The following AREG variants were observed in gnomAD, a reference collection of about 807,000 sequenced individuals.
AREG encodes the protein amphiregulin.
A neutral mutation model predicts 28.0 loss-of-function variants in AREG; 16 were observed. The ratio of observed to expected loss-of-function variants is 0.57; its 90% confidence interval spans 0.39 to 0.87. The LOEUF is 0.87. AREG is among the 40% of genes least tolerant of loss of function. The probability of loss-of-function intolerance (pLI) is 0.00; values close to 1 mark genes in which losing one functional copy is unlikely to be tolerated. For synonymous variants in AREG, 113 were observed against 113.5 expected (o/e 1.00, Z 0.02); for missense variants, 287 against 309.1 (o/e 0.93, Z 0.53).
At chr4:74,445,845 C>T (rs1719273219) in intron 1 of AREG, among the ~76,000 whole-genome samples, 1 of 152,220 alleles carries the variant, frequency 6.6e-6, no homozygotes, top group Admixed American at 6.5e-5. Context: ...GTTAAAAGCA[C>T]CACTCTGATG....
At chr4:74,449,566 G>A in intron 3 of AREG, among the ~76,000 whole-genome samples, 1 of 152,092 alleles carries the variant, frequency 6.6e-6, no homozygotes, top group East Asian at 1.9e-4. Context: ...GGCAACATGG[G>A]GTGAAACCCC....
chr4:74,452,036 TACA>T (rs1478713851), intron 4 of AREG, among the ~76,000 whole-genome samples: 1 of 152,184 alleles, frequency 6.6e-6, no homozygotes, highest in Non-Finnish European at 1.5e-5. Context: ...GGGGTTTTTA[TACA>T]ACAACAAGAA....
chr4:74,454,719 G>A, intron 5 of AREG, 40 bp from the exon 6 acceptor site: 1 of 658,970 alleles, frequency 1.5e-6, no homozygotes. Flanking sequence ...GTAACATTTT[G>A]TTTTATTTTA....
chr4:74,453,587 T>C (rs1719414003), intron 5 of AREG, among the ~76,000 whole-genome samples: 1 of 152,134 alleles, frequency 6.6e-6, no homozygotes, highest in Admixed American at 6.5e-5. Flanking sequence ...TTTCAGTTAT[T>C]GATTGTCTAA....
chr4:74,445,632 G>T (rs1449075174), intron 1 of AREG, among the ~76,000 whole-genome samples: 1 of 152,200 alleles, frequency 6.6e-6, no homozygotes, highest in Non-Finnish European at 1.5e-5. Flanking sequence ...CTTTAGTTCA[G>T]CTGAGAAGAC....
chr4:74,447,711 C>T (rs1719316168), intron 2 of AREG, among the ~76,000 whole-genome samples: 3 of 152,164 alleles, frequency 2.0e-5, no homozygotes, highest in African/African-American at 7.2e-5. Flanking sequence ...TCCCTGGCTT[C>T]TCCCCCTCTT....
intron 5 of AREG, among the ~76,000 whole-genome samples, chr4:74,453,798 A>G (rs1050352715): frequency 3.3e-5 from 5 of 152,018 alleles, no homozygotes; most frequent in East Asian, 3.9e-4. Context: ...GTGAATGTCT[A>G]TAGTCCCAGC....
Position 74,454,132 on chromosome 4 carries a change from AATT to A in AREG, c.*19-623_*19-621del, listed in dbSNP as rs1280868529. Among the ~76,000 whole-genome samples the A allele has an allele frequency of 4.2e-3, 638 of 152,298 alleles. 4 individuals carry two copies. Among genetic ancestry groups the A allele is most frequent in the Middle Eastern group, 0.014 (4 of 294 alleles). ...TAGCTCAATAATTCATAAAATGGGTAATTATTCATACCAATGCTAAACTCAGTA... is the reference window on the plus strand; with the variant it reads ...TAGCTCAATAATTCATAAAATGGGTAATTCATACCAATGCTAAACTCAGTA... On this transcript the variant is annotated intron_variant, in intron 5 of 5. Coordinates refer to ENST00000395748, the MANE Select transcript of AREG (RefSeq NM_001657.4).
At chr4:74,446,922 A>G in intron 2 of AREG, 140 bp downstream of exon 2, 2 of 1,552,354 alleles carry the variant, frequency 1.3e-6, no homozygotes, top group Non-Finnish European at 1.8e-6. Context: ...GTAAACTGTG[A>G]CAAAAAGAAC....
At position 74,446,782 on chromosome 4, in the gene AREG, G is replaced by A. The variant is rs750816758; in HGVS notation, c.310G>A (p.Val104Ile). 3.1e-6 allele frequency: 5 copies of A among 1,613,812 alleles called. No individual in the cohort carries two copies. The highest frequency in any genetic ancestry group is 3.3e-5 in the Admixed American group (2 of 59,984). The change falls in exon 2 of 6, where the codon GTT becomes ATT. Residue 104 changes from valine to isoleucine, a missense_variant and splice_region_variant. Transcript: ENST00000395748. ...PGYIVDDSVR[V>I]EQVVKPPQNK... ...CTATATTGTCGATGATTCAGTCAGA[G>A]GTGAGTAGGGGATAAAGCAAAAATA... is the stretch of plus-strand genomic sequence containing the variant.
At chr4:74,451,443 A>G (rs924507292) in intron 4 of AREG, among the ~76,000 whole-genome samples, 19 of 152,230 alleles carry the variant, frequency 1.2e-4, no homozygotes, top group Non-Finnish European at 2.8e-4. Context: ...ACTTGTGTAC[A>G]TGATCTACCA....
At chr4:74,448,110 G>A (rs1719321315) in intron 2 of AREG, among the ~76,000 whole-genome samples, 2 of 152,186 alleles carry the variant, frequency 1.3e-5, no homozygotes, top group South Asian at 4.1e-4. Context: ...CAACACTTCA[G>A]CATAGTGACT....
chr4:74,454,612 A>G, intron 5 of AREG, 147 bp from the exon 6 acceptor site: 2 of 507,044 alleles, frequency 3.9e-6, no homozygotes, highest in Non-Finnish European at 6.8e-6. Context: ...AAATCTTAGC[A>G]TTTCTCAAAC....
chr4:74,447,585 G>A (rs1201406594), intron 2 of AREG, among the ~76,000 whole-genome samples: 3 of 152,150 alleles, frequency 2.0e-5, no homozygotes, highest in Admixed American at 2.0e-4. Flanking sequence ...TTTGGAGTCT[G>A]AAGGAAGAAG....
At chr4:74,445,894 GT>G (rs1361290160) in intron 1 of AREG, among the ~76,000 whole-genome samples, 1 of 152,102 alleles carries the variant, frequency 6.6e-6, no homozygotes, top group Non-Finnish European at 1.5e-5. Flanking sequence ...AGATAAAGCA[GT>G]GGCTTAACTC....
intron 3 of AREG, among the ~76,000 whole-genome samples, chr4:74,449,496 A>G (rs1719346178): frequency 6.6e-6 from 1 of 152,228 alleles, no homozygotes; most frequent in African/African-American, 2.4e-5. Context: ...CTGTATTCCC[A>G]GCACTTTGGG....
chr4:74,445,697 A>G (rs952054981), intron 1 of AREG, among the ~76,000 whole-genome samples: 2 of 152,182 alleles, frequency 1.3e-5, no homozygotes, highest in Non-Finnish European at 2.9e-5. Context: ...GATTAAAAAG[A>G]CCAAGATCTA....
Position 74,446,733 on chromosome 4 carries a change from T to C in AREG, c.261T>C (p.Tyr87=). The change falls in exon 2 of 6, where the codon TAT becomes TAC. Residue 87 remains tyrosine, a synonymous_variant. Transcript: ENST00000395748. ...SGADYDYSEE[Y]DNEPQIPGYI... is the part of the protein sequence containing the mutation. The stretch of plus-strand genomic sequence containing the variant: ...CCGACTATGACTACTCAGAAGAGTA[T>C]GATAACGAACCACAAATACCTGGCT... 6.2e-7 allele frequency: 1 copy of C among 1,613,980 alleles called. No individual in the cohort carries two copies.
rs1719363881 is a variant in AREG, at chr4:74,450,465, G to A, written c.598G>A (p.Ala200Thr). The A allele has an allele frequency of 1.9e-6, 3 of 1,613,902 alleles. No homozygotes were observed. Among genetic ancestry groups the A allele is most frequent in the Admixed American group, 1.7e-5 (1 of 60,020 alleles). ...SMIDSSLSKI[A>T]LAAIAAFMSA... Reference sequence around the variant, plus strand: ...GATTGACAGTAGTTTATCAAAAATTGCATTAGCAGCCATAGCTGCCTTTAT... The same window carrying A: ...GATTGACAGTAGTTTATCAAAAATTACATTAGCAGCCATAGCTGCCTTTAT... Residue 200 changes from alanine (A) to threonine (T), a missense_variant, in exon 4 of 6, where the codon GCA becomes ACA. Transcript: ENST00000395748.
Sources: allele counts gnomAD v4.1 joint callset (sites outside exome capture counted in the v4.1 genomes callset), GRCh38; gene constraint gnomAD v4.1.1; transcripts MANE v1.5; gene names NCBI Gene and HGNC (gene_info 2026-07-23, HGNC 2026-07-21).